The following FNTA variants were observed in gnomAD, a reference collection of about 807,000 sequenced individuals.
The protein encoded by FNTA is protein farnesyltransferase/geranylgeranyltransferase type-1 subunit alpha.
FNTA carries 27 observed loss-of-function variants against 55.2 expected under a neutral mutation model. That is an observed-to-expected ratio of 0.49 (90% CI 0.36 to 0.67). FNTA has a LOEUF of 0.67. FNTA is among the 30% of genes least tolerant of loss of function. The probability of loss-of-function intolerance (pLI) is 0.00; values close to 1 mark genes in which losing one functional copy is unlikely to be tolerated. For synonymous variants in FNTA, 176 were observed against 170.7 expected, an observed-to-expected ratio of 1.03 and a Z score of -0.24; for missense variants, 422 against 464.7, an observed-to-expected ratio of 0.91 and a Z score of 0.85.
At chr8:43,058,107 A>G (rs1361869959) in intron 1 of FNTA, among the ~76,000 whole-genome samples, 1 of 152,186 alleles carries the variant, frequency 6.6e-6, no homozygotes, top group African/African-American at 2.4e-5. Context: ...TTAAGTAGTC[A>G]TTGAATGCCG....
Position 43,056,371 on chromosome 8 carries a change from G to T in FNTA, c.25G>T (p.Glu9Ter). ...GATGGCGGCCACCGAGGGGGTCGGG[G>T]AGGCTGCGCAAGGGGGCGAGCCCGG... MAATEGVG[E>*]AAQGGEPGQP... is the part of the protein sequence containing the mutation. Residue 9 changes from glutamate (E) to a stop codon, truncating the protein, a stop_gained, in exon 1 of 9, where the codon GAG (glutamate) becomes TAG (stop). Coordinates refer to ENST00000302279, the MANE Select transcript of FNTA (RefSeq NM_002027.3). LOFTEE classifies it high-confidence loss of function. The T allele has an allele frequency of 6.8e-7, 1 of 1,461,126 alleles. No homozygotes were observed. The highest frequency in any genetic ancestry group is 9.0e-7 in the Non-Finnish European group (1 of 1,110,470). The allele number at this position is 1,461,126 out of a possible 1,614,324, so 90.5% of individuals were successfully genotyped here. A position where few individuals can be genotyped will look rare whatever the true frequency, so the allele number is the denominator to read the frequency against.
chr8:43,068,800 C>T (rs1810719881), intron 3 of FNTA, among the ~76,000 whole-genome samples: 1 of 152,170 alleles, frequency 6.6e-6, no homozygotes, highest in South Asian at 2.1e-4. Flanking sequence ...GCAGCCTCTG[C>T]CTCCTCGGTT....
intron 2 of FNTA, among the ~76,000 whole-genome samples, chr8:43,063,531 G>A (rs1216602727): frequency 6.6e-6 from 1 of 152,128 alleles, no homozygotes; most frequent in Non-Finnish European, 1.5e-5. Flanking sequence ...AGTGAAAAAT[G>A]CAAAGCTCAG....
chr8:43,062,171 T>TTGTGTGTGTG (rs1231444055), intron 2 of FNTA, among the ~76,000 whole-genome samples: 8 of 74,982 alleles, frequency 1.1e-4, no homozygotes, highest in Non-Finnish European at 2.3e-4. Context: ...TGTGTATGTT[T>TTGTGTGTGTG]TATGTGTGTG....
Position 43,056,460 on chromosome 8 carries a change from G to C in FNTA, c.114G>C (p.Glu38Asp). Residue 38 changes from glutamate to aspartate, a missense_variant, in exon 1 of 9, where the codon GAG (glutamate) becomes GAC (aspartate). Physicochemically the swap from Glu to Asp is conservative, Grantham distance 45 (BLOSUM62 2). Transcript: ENST00000302279. ...CGCCCCAGCAGCAGCACAAGGAAGA[G>C]ATGGCGGCCGAGGCTGGGGAAGCCG... The part of the protein sequence containing the change: ...PPPPQQQHKE[E>D]MAAEAGEAVA... 2 of 1,568,152 alleles carry C rather than the reference G, an allele frequency of 1.3e-6. No individual in the cohort carries two copies. The highest frequency in any genetic ancestry group is 1.4e-5 in the African/African-American group (1 of 71,472).
chr8:43,084,597 A>T, intron 7 of FNTA, 113 bp from the exon 8 acceptor site: 1 of 773,986 alleles, frequency 1.3e-6, no homozygotes, highest in Non-Finnish European at 2.1e-6. Flanking sequence ...CATTCATTCA[A>T]AATAACTCTC....
chr8:43,077,057 C>A (rs528725739), intron 5 of FNTA, 159 bp from the exon 6 acceptor site: 12 of 474,848 alleles, frequency 2.5e-5, no homozygotes, highest in African/African-American at 2.0e-4. Flanking sequence ...TACTTGTATC[C>A]CCCTCTATTT....
chr8:43,058,170 C>T (rs1307339413), intron 1 of FNTA, among the ~76,000 whole-genome samples: 1 of 151,792 alleles, frequency 6.6e-6, no homozygotes, highest in East Asian at 1.9e-4. Context: ...CTCCAAATAC[C>T]CTTCTAAGGT....
chr8:43,067,202 C>T lies in FNTA; in HGVS notation c.402-2353C>T, dbSNP rs567986868. On this transcript the variant is annotated intron_variant, in intron 3 of 8. Coordinates refer to ENST00000302279, the MANE Select transcript of FNTA (RefSeq NM_002027.3). ...GTCACTTCTGTCATGGTAGTGGGAA[C>T]GGTCTTGGCCGCCAAGGACTCTTTA... Among the ~76,000 whole-genome samples the T allele has an allele frequency of 7.7e-4, 117 of 152,292 alleles. 1 individual carries two copies. Among genetic ancestry groups the T allele is most frequent in the South Asian group, 5.0e-3 (24 of 4,828 alleles).
intron 3 of FNTA, among the ~76,000 whole-genome samples, chr8:43,065,630 C>T: frequency 6.6e-6 from 1 of 151,362 alleles, no homozygotes. Context: ...AATTTGTCGT[C>T]CAGATGCTCT....
At chr8:43,066,431 G>C (rs1239243562) in intron 3 of FNTA, among the ~76,000 whole-genome samples, 2 of 150,492 alleles carry the variant, frequency 1.3e-5, no homozygotes, top group African/African-American at 5.0e-5. Flanking sequence ...TAATTTTTTT[G>C]TATTTTTTTA....
rs186561627 is a variant in FNTA, at chr8:43,078,415, A to C, written c.782+1051A>C. 4 of 151,838 alleles carry C rather than the reference A, an allele frequency of 2.6e-5. No individual in the cohort carries two copies. The East Asian group carries it at 7.7e-4, about 29-fold the overall frequency. The allele number at this position is 151,838 out of a possible 1,614,324, so 9.4% of individuals were successfully genotyped here. On this transcript the variant is annotated intron_variant, in intron 6 of 8. Coordinates refer to ENST00000302279, the MANE Select transcript of FNTA (RefSeq NM_002027.3). ...TTGAGTTGAGCATGTCTTCATTGCC[A>C]TTCTTTCTAACAGCATGTGCTCACT...
chr8:43,058,652 C>G (rs537917148), intron 1 of FNTA, among the ~76,000 whole-genome samples: 75 of 152,108 alleles, frequency 4.9e-4, no homozygotes, highest in African/African-American at 1.7e-3. Context: ...CGCCTGTAGT[C>G]CTTAGTCCCA....
intron 5 of FNTA, 72 bp downstream of exon 5, chr8:43,072,379 C>G: frequency 2.5e-6 from 3 of 1,208,136 alleles, no homozygotes; most frequent in Non-Finnish European, 3.3e-6. Context: ...CTCTTAAAGT[C>G]TGTTTCTAAA....
At chr8:43,060,062 A>G (rs769608979) in intron 2 of FNTA, among the ~76,000 whole-genome samples, 16 of 152,236 alleles carry the variant, frequency 1.1e-4, no homozygotes, top group Non-Finnish European at 1.9e-4. Context: ...CTTAGATAAA[A>G]GCAGAGTTGT....
Position 43,056,402 on chromosome 8 carries a change from C to A in FNTA, c.56C>A (p.Pro19Gln). The A allele has an allele frequency of 6.6e-7, 1 of 1,511,882 alleles. No individual in the cohort carries two copies. Among genetic ancestry groups the A allele is most frequent in the Non-Finnish European group, 8.8e-7 (1 of 1,133,238 alleles). 93.7% of individuals were successfully genotyped at this position (1,511,882 alleles called of 1,614,324 possible). ...GCGCAAGGGGGCGAGCCCGGGCAGC[C>A]GGCGCAACCCCCGCCCCAGCCGCAC... Reference protein sequence around the residue: ...EAAQGGEPGQPAQPPPQPHPP... With the variant: ...EAAQGGEPGQQAQPPPQPHPP... Residue 19 changes from proline (P) to glutamine (Q), a missense_variant, in exon 1 of 9, where the codon CCG becomes CAG. Physicochemically the swap from Pro to Gln is moderately conservative, Grantham distance 76. Transcript: ENST00000302279.
intron 2 of FNTA, among the ~76,000 whole-genome samples, chr8:43,060,037 A>G (rs1310691996): frequency 6.6e-6 from 1 of 152,218 alleles, no homozygotes; most frequent in Non-Finnish European, 1.5e-5. Flanking sequence ...AATGGTTGGA[A>G]CAGTTGGCTG....
At chr8:43,084,955 G>A in intron 8 of FNTA, 74 bp downstream of exon 8, 3 of 1,419,054 alleles carry the variant, frequency 2.1e-6, no homozygotes, top group Non-Finnish European at 2.9e-6. Flanking sequence ...TAATATCCAT[G>A]TCCCCTTTCA....
chr8:43,073,729 T>A (rs1156288533), intron 5 of FNTA: 1 of 152,120 alleles, frequency 6.6e-6, no homozygotes, highest in Non-Finnish European at 1.5e-5. Flanking sequence ...TAGGGGACAT[T>A]TTTGGTTGTC....
Sources: gnomAD v4.1 joint callset for allele counts (sites outside exome capture counted in the v4.1 genomes callset) on GRCh38, gnomAD v4.1.1 for gene constraint, MANE v1.5 for transcripts, NCBI Gene and HGNC (gene_info 2026-07-23, HGNC 2026-07-21) for gene names.